Variants in NTM observed in about 807,000 individuals in gnomAD.
NTM encodes the protein neurotrimin.
Under a neutral mutation model 42.1 loss-of-function variants are expected in NTM, and 13 were observed. The observed-to-expected ratio is 0.31, with a 90% CI of 0.20 to 0.49. NTM has a LOEUF of 0.49. NTM is among the 20% of genes least tolerant of loss of function. NTM has a pLI of 0.99. For missense variants in NTM, 373 were observed against 452.8 expected, an observed-to-expected ratio of 0.82 and a Z score of 1.60; for synonymous variants, 187 against 179.2, an observed-to-expected ratio of 1.04 and a Z score of -0.35.
chr11:132,183,096 C>T (rs1305253598), intron 3 of NTM, among the ~76,000 whole-genome samples: 2 of 152,190 alleles, frequency 1.3e-5, no homozygotes, highest in African/African-American at 2.4e-5. Context: ...TCAACTTCTA[C>T]ACCTGCTGGC....
At chr11:132,269,216 G>A (rs1361811019) in intron 4 of NTM, among the ~76,000 whole-genome samples, 2 of 152,192 alleles carry the variant, frequency 1.3e-5, no homozygotes, top group East Asian at 1.9e-4. Flanking sequence ...TTCAACTACC[G>A]TCTGCTTCGT....
intron 2 of NTM, among the ~76,000 whole-genome samples, chr11:132,063,186 G>C (rs968158401): frequency 6.6e-6 from 1 of 152,112 alleles, no homozygotes; most frequent in African/African-American, 2.4e-5. Context: ...TCCCTTTTGG[G>C]AGCCTCTGGG....
At chr11:131,722,041 A>G (rs1386813621) in intron 1 of NTM, among the ~76,000 whole-genome samples, 1 of 151,720 alleles carries the variant, frequency 6.6e-6, no homozygotes, top group Non-Finnish European at 1.5e-5. Context: ...GAAAGAAAAT[A>G]ATGCTTGTAA....
chr11:131,910,249 T>C (rs1435500564), intron 1 of NTM: 1 of 152,250 alleles, frequency 6.6e-6, no homozygotes, highest in Non-Finnish European at 1.5e-5. Context: ...TCTGATCATT[T>C]TAAAGGTGCA....
intron 1 of NTM, among the ~76,000 whole-genome samples, chr11:131,468,138 G>C (rs1952070219): frequency 6.6e-6 from 1 of 152,208 alleles, no homozygotes; most frequent in Admixed American, 6.5e-5. Context: ...TTGGCTGGCA[G>C]GTGCACAGCC....
chr11:131,787,115 G>C (rs1286008165), intron 1 of NTM, among the ~76,000 whole-genome samples: 1 of 151,976 alleles, frequency 6.6e-6, no homozygotes, highest in Non-Finnish European at 1.5e-5. Context: ...ACTCTTTAAA[G>C]TTCCCAAGTT....
At chr11:131,564,031 G>C (rs1056909818) in intron 1 of NTM, among the ~76,000 whole-genome samples, 6 of 152,118 alleles carry the variant, frequency 3.9e-5, no homozygotes, top group African/African-American at 1.4e-4. Flanking sequence ...ATTAGTCTTT[G>C]CTTCACTAGG....
In NTM at chr11:131,518,416, G is replaced by A. The variant is rs114472895; in HGVS notation, c.82+147528G>A. 5.0e-3 allele frequency among the ~76,000 whole-genome samples: 763 copies of A among 152,208 alleles called. 10 individuals carry two copies. The highest frequency in any genetic ancestry group is 0.018 in the African/African-American group (729 of 41,528). ...TTCAGAAGTCCTTTTTTTAAGCTGA[G>A]TACTTAGAATTCAGTACACATTTTC... On this transcript the variant is annotated intron_variant, in intron 1 of 8. Transcript: ENST00000683400.
intron 1 of NTM, among the ~76,000 whole-genome samples, chr11:131,657,985 T>C (rs1338815034): frequency 6.6e-6 from 1 of 152,088 alleles, no homozygotes; most frequent in African/African-American, 2.4e-5. Context: ...TGAAGAGACC[T>C]GAGGGGCCAG....
intron 2 of NTM, among the ~76,000 whole-genome samples, chr11:131,938,317 G>T (rs2059442930): frequency 6.6e-6 from 1 of 152,238 alleles, no homozygotes; most frequent in South Asian, 2.1e-4. Flanking sequence ...TGGGCAGGAG[G>T]CAGCCATGCA....
intron 2 of NTM, among the ~76,000 whole-genome samples, chr11:132,061,022 T>G (rs1365746411): frequency 6.6e-6 from 1 of 152,198 alleles, no homozygotes; most frequent in African/African-American, 2.4e-5. Flanking sequence ...TTTTATTTGT[T>G]TTACTGTTAA....
intron 1 of NTM, among the ~76,000 whole-genome samples, chr11:131,891,180 C>A (rs1010836842): frequency 2.0e-5 from 3 of 152,140 alleles, no homozygotes; most frequent in African/African-American, 7.2e-5. Context: ...TATGTTGACA[C>A]CCAACTATAT....
Position 131,525,235 on chromosome 11 carries a change from CT to C in NTM, c.82+154348del, listed in dbSNP as rs549998840. The stretch of plus-strand genomic sequence containing the variant: ...TGTCTGCCAAGGGCACTCTGGGCAG[CT>C]GAGCAACAATCTCTCTCTGAAGTGG... On this transcript the variant is annotated intron_variant, in intron 1 of 8. Coordinates refer to ENST00000683400, the MANE Select transcript of NTM (RefSeq NM_001352005.2). Among the ~76,000 whole-genome samples, 691 of 152,320 alleles carry C rather than the reference CT, an allele frequency of 4.5e-3. 5 individuals are homozygous for C. The highest frequency in any genetic ancestry group is 0.015 in the African/African-American group (635 of 41,560).
chr11:131,956,108 A>G (rs2061528532), intron 2 of NTM, among the ~76,000 whole-genome samples: 1 of 152,138 alleles, frequency 6.6e-6, no homozygotes, highest in African/African-American at 2.4e-5. Flanking sequence ...CTTTAGGACA[A>G]ACCTCTCTGC....
At chr11:131,409,022 T>G (rs1223221188) in intron 1 of NTM, among the ~76,000 whole-genome samples, 1 of 152,234 alleles carries the variant, frequency 6.6e-6, no homozygotes, top group East Asian at 1.9e-4. Flanking sequence ...AGGCAGGGAC[T>G]GCAGCAGGCA....
intron 1 of NTM, among the ~76,000 whole-genome samples, chr11:131,421,834 A>G (rs1550973): frequency 0.7 from 106,526 of 152,140 alleles, 37,580 homozygotes; most frequent in East Asian, 0.9. Context: ...AATACACATG[A>G]GGATTTTCCT....
intron 1 of NTM, among the ~76,000 whole-genome samples, chr11:131,812,183 C>CT (rs2092758577): frequency 7.0e-6 from 1 of 142,956 alleles, no homozygotes; most frequent in South Asian, 2.3e-4. Context: ...AATTAGTCAG[C>CT]CTCTCTCTCT....
At chr11:131,739,171 C>T (rs905341055) in intron 1 of NTM, among the ~76,000 whole-genome samples, 3 of 151,376 alleles carry the variant, frequency 2.0e-5, no homozygotes, top group Non-Finnish European at 4.4e-5. Context: ...CTCACACTCC[C>T]ACACCCACAA....
rs568336035 is a variant in NTM at position 131,381,890 on chromosome 11, T to C, written c.82+11002T>C. ...CAGAATAGGGCAAGTTCATCTCTAT[T>C]CCAAAAGAACAGCAGATGATTCTAT... On this transcript the variant is annotated intron_variant, in intron 1 of 8. Coordinates refer to ENST00000683400, the MANE Select transcript of NTM (RefSeq NM_001352005.2). Among the ~76,000 whole-genome samples, 525 of 152,264 alleles carry C rather than the reference T, an allele frequency of 3.4e-3. 2 individuals carry two copies. Among genetic ancestry groups the C allele is most frequent in the African/African-American group, 0.012 (504 of 41,548 alleles).
Sources: allele counts gnomAD v4.1 joint callset (sites outside exome capture counted in the v4.1 genomes callset), GRCh38; gene constraint gnomAD v4.1.1; transcripts MANE v1.5; gene names NCBI Gene and HGNC (gene_info 2026-07-23, HGNC 2026-07-21).